IL16: variants seen among roughly 807,000 people sequenced by gnomAD.
The protein encoded by IL16 is pro-interleukin-16.
In IL16, 67 loss-of-function variants were observed where a neutral mutation model predicts 110.1. The ratio of observed to expected loss-of-function variants is 0.61; its 90% CI spans 0.50 to 0.75. The LOEUF is 0.75. Ranked by LOEUF, IL16 falls within the 30% of genes least tolerant of loss-of-function variation. IL16 has a pLI of 0.00. For synonymous variants in IL16, 689 were observed against 662.9 expected (o/e 1.04, Z -0.61); for missense variants, 1,545 against 1,655.0 (o/e 0.93, Z 1.15).
chr15:81,282,791 G>T, intron 9 of IL16, 35 bp downstream of exon 9: 1 of 1,381,076 alleles, frequency 7.2e-7, no homozygotes, highest in South Asian at 1.2e-5. Context: ...ATATACCCCC[G>T]ACTTACAACC....
intron 8 of IL16, among the ~76,000 whole-genome samples, chr15:81,281,428 G>A (rs1596028140): frequency 2.6e-5 from 4 of 152,130 alleles, no homozygotes; most frequent in South Asian, 2.1e-4. Context: ...CCAGCCCCAC[G>A]GCCCTAACAC....
chr15:81,288,441 T>A (rs888063746), intron 10 of IL16, among the ~76,000 whole-genome samples: 1 of 152,232 alleles, frequency 6.6e-6, no homozygotes, highest in African/African-American at 2.4e-5. Context: ...TATTTATTGT[T>A]GTTTATTGTG....
chr15:81,289,811 T>G (rs1899624004), intron 10 of IL16: 1 of 385,472 alleles, frequency 2.6e-6, no homozygotes, highest in Non-Finnish European at 5.1e-6. Context: ...TTATCTATTT[T>G]TTTGTTTCCT....
rs189235126 is a variant in IL16, at chr15:81,274,204, A to C, written c.790+1000A>C. On this transcript the variant is annotated intron_variant, in intron 6 of 18. Transcript: ENST00000683961. ...CTAACTTGCTTAGGGCAGGGTAGGCACACTACAGTCTGTGGGCCAAATCTG... is the reference window on the plus strand; with the variant it reads ...CTAACTTGCTTAGGGCAGGGTAGGCCCACTACAGTCTGTGGGCCAAATCTG... Among the ~76,000 whole-genome samples the C allele has an allele frequency of 7.2e-5, 11 of 152,322 alleles. No homozygotes were observed. The East Asian group carries it at 1.9e-3, about 27-fold the overall frequency.
chr15:81,308,690 G>C lies in IL16; in HGVS notation c.3891G>C (p.Arg1297=). 6.2e-7 allele frequency: 1 copy of C among 1,613,828 alleles called. No individual in the cohort carries two copies. Among genetic ancestry groups the C allele is most frequent in the South Asian group, 1.1e-5 (1 of 91,076 alleles). Residue 1297 remains arginine, a synonymous_variant, in exon 19 of 19, where the codon CGG becomes CGC. Coordinates refer to ENST00000683961, the MANE Select transcript of IL16 (RefSeq NM_172217.5). ...LGGTAMQGLT[R]FEAWNIIKAL... ...GCACTGCCATGCAGGGCCTCACACGGTTTGAAGCCTGGAACATCATCAAGG... is the reference window on the plus strand; with the variant it reads ...GCACTGCCATGCAGGGCCTCACACGCTTTGAAGCCTGGAACATCATCAAGG...
chr15:81,293,151 A>G, intron 12 of IL16, 114 bp downstream of exon 12: 2 of 1,150,706 alleles, frequency 1.7e-6, no homozygotes, highest in Non-Finnish European at 2.4e-6. Flanking sequence ...CTCCTGCTCC[A>G]CCAGAGAGAA....
intron 2 of IL16, among the ~76,000 whole-genome samples, chr15:81,238,620 T>C (rs1046313749): frequency 1.8e-5 from 2 of 110,832 alleles, no homozygotes; most frequent in South Asian, 2.5e-4. Flanking sequence ...CATTAGGTGT[T>C]GTTATAACTT....
chr15:81,234,369 T>C (rs146317140), intron 2 of IL16, among the ~76,000 whole-genome samples: 1 of 152,262 alleles, frequency 6.6e-6, no homozygotes, highest in East Asian at 1.9e-4. Context: ...TGGACTAACA[T>C]AATTTTTACT....
chr15:81,300,055 C>A lies in IL16; in HGVS notation c.2729C>A (p.Ala910Glu). 2 of 1,566,174 alleles carry A rather than the reference C, an allele frequency of 1.3e-6. No individual in the cohort carries two copies. The highest frequency in any genetic ancestry group is 1.7e-6 in the Non-Finnish European group (2 of 1,158,096). ...CAAGTACTGTCCTCGGGGTCCCCTG[C>A]AGCCTCCGAGGCCAGAGACCCAGGT... is the stretch of plus-strand genomic sequence containing the variant. ...PEQVLSSGSPAASEARDPGVS... is the reference protein window; with the variant it reads ...PEQVLSSGSPEASEARDPGVS... The change falls in exon 14 of 19, where the codon GCA becomes GAA. Residue 910 changes from alanine (A) to glutamate (E), a missense_variant. Around this residue, in one of 3 missense-constraint regions of IL16, gnomAD observed 1,185 missense variants for 1,238.8 expected, o/e 0.96. Coordinates refer to ENST00000683961, the MANE Select transcript of IL16 (RefSeq NM_172217.5).
intron 7 of IL16, among the ~76,000 whole-genome samples, chr15:81,279,288 CATCT>C (rs141905012): frequency 0.018 from 2,747 of 152,152 alleles, 62 homozygotes; most frequent in African/African-American, 0.053. Context: ...TCTATTCATC[CATCT>C]ATCTATCCAT....
At chr15:81,278,584 T>C (rs1899019020) in intron 6 of IL16, among the ~76,000 whole-genome samples, 1 of 152,190 alleles carries the variant, frequency 6.6e-6, no homozygotes, top group African/African-American at 2.4e-5. Context: ...AGGACTTGTG[T>C]GCCTGGCTAA....
chr15:81,255,581 A>T (rs1450862324), intron 2 of IL16, among the ~76,000 whole-genome samples: 1 of 152,216 alleles, frequency 6.6e-6, no homozygotes, highest in Non-Finnish European at 1.5e-5. Context: ...TGCATGTGGA[A>T]ACTGAGATTG....
At chr15:81,217,199 G>C (rs888409863) in intron 1 of IL16, among the ~76,000 whole-genome samples, 1 of 152,058 alleles carries the variant, frequency 6.6e-6, no homozygotes, top group African/African-American at 2.4e-5. Context: ...AAACAGAAGG[G>C]GAGGCCAACA....
chr15:81,246,663 T>A (rs1269963540), intron 2 of IL16, among the ~76,000 whole-genome samples: 1 of 151,890 alleles, frequency 6.6e-6, no homozygotes, highest in Non-Finnish European at 1.5e-5. Context: ...GATATCAATG[T>A]TTTCTTTTTA....
At chr15:81,220,788 T>C (rs1896586405) in intron 1 of IL16, among the ~76,000 whole-genome samples, 1 of 132,944 alleles carries the variant, frequency 7.5e-6, no homozygotes, top group Non-Finnish European at 1.5e-5. Context: ...AACAAGTGCT[T>C]GTTGAATGAA....
chr15:81,188,140 C>T (rs1895443855), intron 1 of IL16, among the ~76,000 whole-genome samples: 1 of 152,182 alleles, frequency 6.6e-6, no homozygotes, highest in South Asian at 2.1e-4. Context: ...TTTCCTGCTG[C>T]AGTCCAGACT....
chr15:81,292,959 C>T lies in IL16; in HGVS notation c.1824C>T (p.Asp608=). The change falls in exon 12 of 19, where the codon GAC becomes GAT. Residue 608 remains aspartate, a synonymous_variant. Coordinates refer to ENST00000683961, the MANE Select transcript of IL16 (RefSeq NM_172217.5). Reference sequence around the variant, plus strand: ...CACCCAGAAAATACTTTAAAAGTGACAGTGACCCTCAGAAGAGTCTGGAAG... The same window carrying T: ...CACCCAGAAAATACTTTAAAAGTGATAGTGACCCTCAGAAGAGTCTGGAAG... ...KPPPRKYFKS[D]SDPQKSLEER... is the part of the protein sequence containing the mutation. 1 of 1,614,090 alleles carries T rather than the reference C, an allele frequency of 6.2e-7. No homozygotes were observed. The highest frequency in any genetic ancestry group is 8.5e-7 in the Non-Finnish European group (1 of 1,180,000).
intron 18 of IL16, chr15:81,306,906 C>A: frequency 6.6e-6 from 2 of 303,950 alleles, no homozygotes; most frequent in Non-Finnish European, 1.3e-5. Flanking sequence ...TTTAATGCAG[C>A]GTGTTTTTTA....
Position 81,308,654 on chromosome 15 carries a change from A to G in IL16, c.3855A>G (p.Leu1285=), listed in dbSNP as rs4238526. The change falls in exon 19 of 19, where the codon TTA becomes TTG. Residue 1285 remains leucine (L), a synonymous_variant. Coordinates refer to ENST00000683961, the MANE Select transcript of IL16 (RefSeq NM_172217.5). ...SETVQPGDEI[L]QLGGTAMQGL... is the part of the protein sequence containing the mutation. ...CAGTCCAGCCTGGAGATGAAATCTT[A>G]CAGCTGGGTGGCACTGCCATGCAGG... The G allele has an allele frequency of 1, 1,611,419 of 1,613,764 alleles. 804,573 individuals are homozygous for G. The highest frequency in any genetic ancestry group is 1 in the Non-Finnish European group (1,179,829 of 1,179,866).
Sources: gnomAD v4.1 joint callset for allele counts (sites outside exome capture counted in the v4.1 genomes callset) on GRCh38, gnomAD v4.1.1 for gene constraint, gnomAD v4.1.1 regional missense constraint, MANE v1.5 for transcripts, NCBI Gene and HGNC (gene_info 2026-07-23, HGNC 2026-07-21) for gene names.